Variants in ANKMY1 observed in about 807,000 individuals in gnomAD.
ANKMY1 encodes ankyrin repeat and MYND domain-containing protein 1.
A neutral mutation model predicts 102.0 loss-of-function variants in ANKMY1; 98 were observed. The ratio of observed to expected loss-of-function variants is 0.96; its 90% CI spans 0.82 to 1.14. The LOEUF is 1.14. Ranked by LOEUF, ANKMY1 falls within the 50% of genes most tolerant of loss-of-function variation. The pLI, the probability that ANKMY1 is intolerant of heterozygous loss-of-function variation, is 0.00. For synonymous variants in ANKMY1, 582 were observed against 559.9 expected (o/e 1.04, Z -0.56); for missense variants, 1,330 against 1,347.6 (o/e 0.99, Z 0.20).
Position 240,529,088 on chromosome 2 carries a change from A to G in ANKMY1, c.902T>C (p.Ile301Thr), listed in dbSNP as rs1228524157. ...TTTGACCAACAAAGGGGTCTCATTG[A>G]TTATGAACCATGGTTCTCCATCCTC... Reference protein sequence around the residue: ...FVEDGEPWFIINETPLLVKIQ... With the variant: ...FVEDGEPWFITNETPLLVKIQ... The change falls in exon 5 of 18, where the codon ATC becomes ACC. Residue 301 changes from isoleucine (I) to threonine (T), a missense_variant. Coordinates refer to ENST00000401804, the MANE Select transcript of ANKMY1 (RefSeq NM_001282771.3). The surrounding 1 kb of genome is among the most constrained non-coding windows in gnomAD (Gnocchi z 4.2). 2 of 1,614,052 alleles carry G rather than the reference A, an allele frequency of 1.2e-6. No homozygotes were observed. Among genetic ancestry groups the G allele is most frequent in the African/African-American group, 2.7e-5 (2 of 74,928 alleles).
upstream of ANKMY1, among the ~76,000 whole-genome samples, chr2:240,559,777 A>G (rs1376477247): frequency 2.0e-5 from 3 of 152,222 alleles, no homozygotes; most frequent in African/African-American, 7.2e-5. Context: ...AGGCTGCAAT[A>G]AAGATCTGAC....
Position 240,520,031 on chromosome 2 carries a change from A to G in ANKMY1, c.2004+331T>C. 1.9e-6 allele frequency: 1 copy of G among 535,380 alleles called. No homozygotes were observed. The highest frequency in any genetic ancestry group is 3.7e-6 in the Non-Finnish European group (1 of 268,194). 33.2% of individuals were successfully genotyped at this position (535,380 alleles called of 1,614,324 possible). A position where few individuals can be genotyped will look rare whatever the true frequency, so the allele number is the denominator to read the frequency against. ...GTGATGCTGAGCGTGGGTTGAAAGG[A>G]GGCCCGCCTCCTCCTGAATATAAGT... On this transcript the variant is annotated intron_variant, in intron 9 of 17. Transcript: ENST00000401804. This position sits in a 1 kb window ranked among gnomAD's most constrained non-coding sequence, Gnocchi z 4.8.
intron 16 of ANKMY1, 106 bp downstream of exon 16, chr2:240,482,077 T>C (rs2075460012): frequency 7.8e-7 from 1 of 1,286,430 alleles, no homozygotes; most frequent in African/African-American, 1.5e-5. Flanking sequence ...GGGGGTCAGA[T>C]GGCATGGAGG....
intron 3 of ANKMY1, chr2:240,554,027 A>C (rs2091970078): frequency 6.6e-6 from 1 of 152,252 alleles, no homozygotes; most frequent in Non-Finnish European, 1.5e-5. Flanking sequence ...CCATGCTCAC[A>C]GTCCACCCAG....
chr2:240,471,183 C>A, the ANKMY1 span, among the ~76,000 whole-genome samples: 462 of 151,846 alleles, frequency 3.0e-3, no homozygotes, highest in African/African-American at 0.011. Flanking sequence ...ACAAAAGTAC[C>A]TAGAGGGTTT....
chr2:240,469,666 C>CCTA, the ANKMY1 span, among the ~76,000 whole-genome samples: 90,084 of 150,500 alleles, frequency 0.6, 27,043 homozygotes, highest in African/African-American at 0.66. Flanking sequence ...CATGTGCACT[C>CCTA]CACATTTACA....
At chr2:240,558,909 A>G (rs891720114), upstream of ANKMY1, among the ~76,000 whole-genome samples, 1 of 152,220 alleles carries the variant, frequency 6.6e-6, no homozygotes, top group African/African-American at 2.4e-5. Context: ...TCGGCATACT[A>G]CATGCATGCA....
intron 9 of ANKMY1, chr2:240,519,854 T>C (rs958634709): frequency 1.6e-5 from 4 of 250,210 alleles, no homozygotes; most frequent in African/African-American, 9.1e-5. Flanking sequence ...GAAGAAGCCG[T>C]CCGCTGGGAA....
chr2:240,548,731 G>A (rs890791911), intron 4 of ANKMY1, among the ~76,000 whole-genome samples: 38 of 150,944 alleles, frequency 2.5e-4, no homozygotes, highest in Non-Finnish European at 4.3e-4. Flanking sequence ...CAGACAAACA[G>A]AGAGCCAAAT....
At chr2:240,535,639 A>G (rs558182088) in intron 4 of ANKMY1, among the ~76,000 whole-genome samples, 1 of 152,238 alleles carries the variant, frequency 6.6e-6, no homozygotes, top group Non-Finnish European at 1.5e-5. Flanking sequence ...GTTATACCAG[A>G]GTCAGATTGA....
chr2:240,492,956 G>T (rs1445897400), intron 15 of ANKMY1, among the ~76,000 whole-genome samples: 1 of 152,100 alleles, frequency 6.6e-6, no homozygotes, highest in Non-Finnish European at 1.5e-5. Flanking sequence ...TCCCAATGTT[G>T]GGATTACAGG....
Position 240,500,073 on chromosome 2 carries a change from G to A in ANKMY1, c.2691C>T (p.Arg897=), listed in dbSNP as rs780797335. ...CPFHTLMPAE[R]ETFLARKRLL... ...GCCGCTTCCGCGCCAGGAACGTCTC[G>A]CGCTCTGCTGGCATCAGCGTGTGGA... The change falls in exon 15 of 18, where the codon CGC becomes CGT. Residue 897 remains arginine, a synonymous_variant. Transcript: ENST00000401804. 2.0e-5 allele frequency: 33 copies of A among 1,611,112 alleles called. No homozygotes were observed. In the East Asian group the frequency reaches 4.0e-4, roughly 20 times the overall value.
upstream of ANKMY1, chr2:240,560,452 C>A (rs1301124104): frequency 1.9e-6 from 1 of 535,050 alleles, no homozygotes; most frequent in Non-Finnish European, 2.9e-6. Context: ...GGCCCCGGCG[C>A]CCTGGTGAGG....
At chr2:240,543,221 C>T (rs911666784) in intron 4 of ANKMY1, among the ~76,000 whole-genome samples, 4 of 151,686 alleles carry the variant, frequency 2.6e-5, no homozygotes, top group Non-Finnish European at 2.9e-5. Flanking sequence ...GGTGTGGTGG[C>T]GGGCACCTGT....
At chr2:240,536,932 C>T (rs1343195086) in intron 4 of ANKMY1, among the ~76,000 whole-genome samples, 2 of 151,706 alleles carry the variant, frequency 1.3e-5, no homozygotes, top group Non-Finnish European at 2.9e-5. Flanking sequence ...ACTATGTTGC[C>T]CAGGCTAGTT....
intron 13 of ANKMY1, among the ~76,000 whole-genome samples, chr2:240,503,214 C>T (rs2078512348): frequency 6.6e-6 from 1 of 152,204 alleles, no homozygotes; most frequent in Non-Finnish European, 1.5e-5. Context: ...TGGGCTTGAA[C>T]ATGGATCTTT....
the ANKMY1 span, among the ~76,000 whole-genome samples, chr2:240,469,818 A>C: frequency 8.5e-5 from 13 of 152,138 alleles, no homozygotes; most frequent in Non-Finnish European, 1.8e-4. Flanking sequence ...ATGTACACAC[A>C]TGCACACACA....
At position 240,481,047 on chromosome 2, in the gene ANKMY1, C is replaced by A. The variant is rs374206181; in HGVS notation, c.2936G>T (p.Arg979Leu). ...CYQCGRSIGV[R>L]LLPCPRCYGI... ...GTAGCAGCGAGGGCAGGGCAAGAGG[C>A]GGACCCCGATGGAGCGGCCACACTG... The change falls in exon 17 of 18, where the codon CGC (arginine) becomes CTC (leucine). Residue 979 changes from arginine to leucine, a missense_variant. Transcript: ENST00000401804. 2 of 1,613,112 alleles carry A rather than the reference C, an allele frequency of 1.2e-6. No individual in the cohort carries two copies. The highest frequency in any genetic ancestry group is 2.7e-5 in the African/African-American group (2 of 74,798).
At position 240,525,856 on chromosome 2, in the gene ANKMY1, G is replaced by C. The variant is rs573110027; in HGVS notation, c.1171-7C>G. The C allele has an allele frequency of 1.2e-6, 2 of 1,613,496 alleles. No individual in the cohort carries two copies. The highest frequency in any genetic ancestry group is 2.7e-5 in the African/African-American group (2 of 75,038). On this transcript the variant is annotated splice_polypyrimidine_tract_variant and splice_region_variant and intron_variant, in intron 6 of 17. Coordinates refer to ENST00000401804, the MANE Select transcript of ANKMY1 (RefSeq NM_001282771.3). ...TGTCGTTGTGGCAGTGAGTCTGGAGGGAGATGAGGCAGGACTCAGGATGAT... is the reference window on the plus strand; with the variant it reads ...TGTCGTTGTGGCAGTGAGTCTGGAGCGAGATGAGGCAGGACTCAGGATGAT...
Sources: allele counts gnomAD v4.1 joint callset (sites outside exome capture counted in the v4.1 genomes callset), GRCh38; gene constraint gnomAD v4.1.1; non-coding constraint Gnocchi (gnomAD v3.1); transcripts MANE v1.5; gene names NCBI Gene and HGNC (gene_info 2026-07-23, HGNC 2026-07-21).